Variants in PLEKHA5 observed in about 807,000 individuals in gnomAD.
PLEKHA5 encodes the protein pleckstrin homology domain-containing family A member 5.
In PLEKHA5, 55 loss-of-function variants were observed where a neutral mutation model predicts 181.9. The ratio of observed to expected loss-of-function variants is 0.30; its 90% CI spans 0.24 to 0.38. The LOEUF is 0.38. PLEKHA5 is among the 10% of genes least tolerant of loss of function. The pLI, the probability that PLEKHA5 is intolerant of heterozygous loss-of-function variation, is 1.00. For synonymous variants in PLEKHA5, 535 were observed against 529.4 expected (o/e 1.01, Z -0.15); for missense variants, 1,432 against 1,549.5 (o/e 0.92, Z 1.27).
chr12:19,343,649 A>C (rs1432242056), intron 22 of PLEKHA5, among the ~76,000 whole-genome samples: 1 of 152,210 alleles, frequency 6.6e-6, no homozygotes, highest in Non-Finnish European at 1.5e-5. Flanking sequence ...ACAGCATGTG[A>C]CTGTACTGAA....
chr12:19,146,492 A>G (rs1393394253), intron 3 of PLEKHA5, among the ~76,000 whole-genome samples: 2 of 152,226 alleles, frequency 1.3e-5, no homozygotes, highest in African/African-American at 4.8e-5. Flanking sequence ...ACAAATAAAA[A>G]GTTTTTGAGT....
At chr12:19,191,613 A>T (rs2051134035) in intron 3 of PLEKHA5, among the ~76,000 whole-genome samples, 1 of 152,190 alleles carries the variant, frequency 6.6e-6, no homozygotes, top group Non-Finnish European at 1.5e-5. Flanking sequence ...TGTTTTCTCA[A>T]ATCACCTCTA....
At chr12:19,134,032 CAG>C (rs1448536126) in intron 3 of PLEKHA5, among the ~76,000 whole-genome samples, 8 of 152,108 alleles carry the variant, frequency 5.3e-5, no homozygotes, top group South Asian at 4.1e-4. Flanking sequence ...CTTATAAAAA[CAG>C]AGGTAACATT....
intron 20 of PLEKHA5, among the ~76,000 whole-genome samples, chr12:19,334,866 A>ATC (rs1489335209): frequency 2.4e-4 from 14 of 58,710 alleles, no homozygotes; most frequent in Admixed American, 6.4e-4. Flanking sequence ...ATATATATAT[A>ATC]TATCTCTGTA....
rs1490794517 is a variant in PLEKHA5, at chr12:19,290,749, A to G, written c.1936A>G (p.Thr646Ala). 2 of 1,536,090 alleles carry G rather than the reference A, an allele frequency of 1.3e-6. No homozygotes were observed. The highest frequency in any genetic ancestry group is 1.4e-5 in the African/African-American group (1 of 73,176). The change falls in exon 14 of 32, where the codon ACG (threonine) becomes GCG (alanine). Residue 646 changes from threonine to alanine, a missense_variant. By Grantham distance (58) the Thr-to-Ala change is moderately conservative. Around this residue, in one of 2 missense-constraint regions of PLEKHA5, gnomAD observed 1,143 missense variants for 1,168.4 expected, o/e 0.98. Transcript: ENST00000429027. ...CGAACTGAGTAGTATCCGGGAGCAT[A>G]CGTTAGCACAGCTCATGCAGCTAAA... ...QAELSSIREH[T>A]LAQLMQLKLE...
At chr12:19,179,502 A>G (rs902722135) in intron 3 of PLEKHA5, among the ~76,000 whole-genome samples, 2 of 152,092 alleles carry the variant, frequency 1.3e-5, no homozygotes, top group African/African-American at 4.8e-5. Flanking sequence ...TTACTAACAA[A>G]TAACAAAATT....
chr12:19,348,584 A>ATTTTG, intron 25 of PLEKHA5, 65 bp downstream of exon 25: 2 of 1,271,748 alleles, frequency 1.6e-6, no homozygotes, highest in Non-Finnish European at 2.1e-6. Flanking sequence ...CTGCCAAAAT[A>ATTTTG]GTAGTAAATT....
At chr12:19,236,711 T>C (rs2061460133) in intron 3 of PLEKHA5, among the ~76,000 whole-genome samples, 1 of 152,226 alleles carries the variant, frequency 6.6e-6, no homozygotes, top group African/African-American at 2.4e-5. Context: ...TGTTTTATCC[T>C]ATGCTATATG....
intron 26 of PLEKHA5, among the ~76,000 whole-genome samples, chr12:19,355,663 A>T (rs1169731103): frequency 6.6e-6 from 1 of 152,126 alleles, no homozygotes; most frequent in Non-Finnish European, 1.5e-5. Context: ...TAATGTTTTC[A>T]ATTAGTACAA....
At chr12:19,178,196 A>G (rs2047748556) in intron 3 of PLEKHA5, among the ~76,000 whole-genome samples, 2 of 152,172 alleles carry the variant, frequency 1.3e-5, no homozygotes, top group Admixed American at 6.5e-5. Flanking sequence ...TGACGTGAAA[A>G]AAACTGAGGA....
intron 21 of PLEKHA5, among the ~76,000 whole-genome samples, chr12:19,338,685 T>G (rs1213448433): frequency 6.6e-6 from 1 of 151,418 alleles, no homozygotes; most frequent in Non-Finnish European, 1.5e-5. Flanking sequence ...AATGGCCACA[T>G]GTGGCTGGGA....
At chr12:19,308,683 A>G (rs1464678052) in intron 15 of PLEKHA5, among the ~76,000 whole-genome samples, 1 of 152,146 alleles carries the variant, frequency 6.6e-6, no homozygotes, top group Non-Finnish European at 1.5e-5. Context: ...CTCCAACATG[A>G]TGGATCTCCT....
chr12:19,172,242 G>A (rs1448530612), intron 3 of PLEKHA5, among the ~76,000 whole-genome samples: 4 of 152,150 alleles, frequency 2.6e-5, no homozygotes, highest in Admixed American at 2.6e-4. Flanking sequence ...ATGCATTGTG[G>A]TATGATATTA....
At chr12:19,302,554 C>T (rs372596072) in intron 15 of PLEKHA5, among the ~76,000 whole-genome samples, 6 of 152,128 alleles carry the variant, frequency 3.9e-5, no homozygotes, top group Non-Finnish European at 7.4e-5. Flanking sequence ...CACCACCACA[C>T]CCAGCTAATT....
intron 15 of PLEKHA5, chr12:19,306,855 C>A: frequency 7.6e-6 from 6 of 790,952 alleles, no homozygotes; most frequent in Non-Finnish European, 1.3e-5. Flanking sequence ...GATAACGTAC[C>A]ATATGCAGAA....
chr12:19,201,115 A>G (rs1258032213), intron 3 of PLEKHA5: 1 of 152,102 alleles, frequency 6.6e-6, no homozygotes, highest in African/African-American at 2.4e-5. Context: ...CAAATAACTC[A>G]TATCCAGAAT....
Position 19,307,380 on chromosome 12 carries a change from G to A in PLEKHA5, c.2038-7434G>A. 1.1e-5 allele frequency: 3 copies of A among 273,568 alleles called. No individual in the cohort carries two copies. In the South Asian group the frequency reaches 1.2e-4, roughly 11 times the overall value. 16.9% of individuals were successfully genotyped at this position (273,568 alleles called of 1,614,324 possible). On this transcript the variant is annotated intron_variant, in intron 15 of 31. Transcript: ENST00000429027. ...CCAAATACTTAGGAGGCTGAGGCAG[G>A]AGAATCGCCTGAATCCTGGAGGCGG... is the stretch of plus-strand genomic sequence containing the variant.
At chr12:19,334,829 A>AAAAAAAATATATAT in intron 20 of PLEKHA5, among the ~76,000 whole-genome samples, 1 of 18,602 alleles carries the variant, frequency 5.4e-5, no homozygotes, top group Non-Finnish European at 1.4e-4. Flanking sequence ...AAAAAAAAAA[A>AAAAAAAATATATAT]ATATATATAT....
Position 19,348,381 on chromosome 12 carries a change from A to T in PLEKHA5, c.2899-18A>T, listed in dbSNP as rs989704853. ...CTTTTAGCAGTTTTTTAGGGTAATT[A>T]CATGTCTTCCTTTCAAGGGTCCAGA... On this transcript the variant is annotated intron_variant, in intron 24 of 31. Transcript: ENST00000429027. 2 of 1,556,706 alleles carry T rather than the reference A, an allele frequency of 1.3e-6. No individual in the cohort carries two copies. Among genetic ancestry groups the T allele is most frequent in the African/African-American group, 2.8e-5 (2 of 71,526 alleles).
Sources: allele counts gnomAD v4.1 joint callset (sites outside exome capture counted in the v4.1 genomes callset), GRCh38; gene constraint gnomAD v4.1.1; regional missense constraint gnomAD v4.1.1; transcripts MANE v1.5; gene names NCBI Gene and HGNC (gene_info 2026-07-23, HGNC 2026-07-21).